The following XKR9 variants were observed in gnomAD, a reference collection of about 807,000 sequenced individuals.
XKR9 encodes XK related 9.
XKR9 carries 32 observed loss-of-function variants against 32.0 expected under a neutral mutation model. The observed-to-expected ratio is 1.00, with a 90% confidence interval of 0.76 to 1.34. XKR9 has a LOEUF of 1.34. XKR9 is among the 40% of genes most tolerant of loss of function. The probability of loss-of-function intolerance (pLI) is 0.00; values close to 1 mark genes in which losing one functional copy is unlikely to be tolerated. For synonymous variants in XKR9, 168 were observed against 143.4 expected, an observed-to-expected ratio of 1.17 and a Z score of -1.22; for missense variants, 546 against 429.7, an observed-to-expected ratio of 1.27 and a Z score of -2.39.
the XKR9 span, among the ~76,000 whole-genome samples, chr8:70,996,087 G>T: frequency 6.0e-3 from 914 of 152,210 alleles, 13 homozygotes; most frequent in African/African-American, 0.021. Context: ...AGATTAATTT[G>T]CTGGGGCCCT....
intron 4 of XKR9, among the ~76,000 whole-genome samples, chr8:70,715,863 A>T (rs1035514744): frequency 6.6e-6 from 1 of 152,154 alleles, no homozygotes; most frequent in African/African-American, 2.4e-5. Context: ...GCAAAACTGT[A>T]TCAAGTATGA....
the XKR9 span, among the ~76,000 whole-genome samples, chr8:70,808,277 G>A: frequency 6.6e-5 from 10 of 152,138 alleles, no homozygotes; most frequent in African/African-American, 2.4e-4. Flanking sequence ...ACTGGTAAGA[G>A]GAACAGTTAT....
intron 3 of XKR9, among the ~76,000 whole-genome samples, chr8:70,685,140 A>G (rs544177200): frequency 1.4e-3 from 215 of 152,168 alleles, no homozygotes; most frequent in African/African-American, 5.0e-3. Context: ...TGTGGCACAT[A>G]TACACCATGG....
chr8:70,978,699 G>A, the XKR9 span, among the ~76,000 whole-genome samples: 3 of 152,042 alleles, frequency 2.0e-5, no homozygotes, highest in African/African-American at 7.3e-5. Context: ...TGGTGAATCT[G>A]GCAGTTATGT....
chr8:70,875,951 T>C, the XKR9 span, among the ~76,000 whole-genome samples: 6 of 152,044 alleles, frequency 3.9e-5, no homozygotes, highest in South Asian at 2.1e-4. Context: ...AAAAAAAAAC[T>C]CAGACTCCAT....
chr8:70,733,123 A>G (rs1806727994), intron 4 of XKR9, among the ~76,000 whole-genome samples: 1 of 152,220 alleles, frequency 6.6e-6, no homozygotes, highest in Non-Finnish European at 1.5e-5. Context: ...AAGGAAAGAA[A>G]TAAAGAGAGT....
the XKR9 span, among the ~76,000 whole-genome samples, chr8:71,037,380 A>G: frequency 6.6e-6 from 1 of 152,178 alleles, no homozygotes; most frequent in Admixed American, 6.5e-5. Context: ...AAAGGACTGC[A>G]GGAAAAAGCA....
At chr8:70,797,625 T>A in the XKR9 span, among the ~76,000 whole-genome samples, 1 of 151,908 alleles carries the variant, frequency 6.6e-6, no homozygotes. Flanking sequence ...ATAGGTAGAT[T>A]TTGTGTCATG....
chr8:70,904,050 A>G, the XKR9 span, among the ~76,000 whole-genome samples: 2 of 152,194 alleles, frequency 1.3e-5, no homozygotes, highest in Non-Finnish European at 2.9e-5. Context: ...TATGTCGTCA[A>G]TATTGGAATA....
chr8:70,739,607 G>A (rs563059613), downstream of XKR9, among the ~76,000 whole-genome samples: 3 of 152,152 alleles, frequency 2.0e-5, no homozygotes, highest in Non-Finnish European at 2.9e-5. Flanking sequence ...GGCTGGTACC[G>A]GTTGTTCCTT....
the XKR9 span, among the ~76,000 whole-genome samples, chr8:70,872,923 G>C: frequency 1.3e-5 from 2 of 152,168 alleles, no homozygotes; most frequent in African/African-American, 2.4e-5. Flanking sequence ...GCCTCCTAAA[G>C]TGCTAGGATT....
chr8:70,873,672 A>G, the XKR9 span, among the ~76,000 whole-genome samples: 10 of 152,234 alleles, frequency 6.6e-5, no homozygotes, highest in Non-Finnish European at 1.3e-4. Flanking sequence ...ATGAGAAGAA[A>G]AAGTGGTTTC....
At chr8:70,714,417 C>T (rs1806021804) in intron 4 of XKR9, among the ~76,000 whole-genome samples, 1 of 151,676 alleles carries the variant, frequency 6.6e-6, no homozygotes, top group Admixed American at 6.6e-5. Flanking sequence ...TATTTTAATA[C>T]TCTTTTCTCT....
At chr8:70,749,187 T>A (rs755251738) in intron 2 of XKR9, among the ~76,000 whole-genome samples, 23 of 152,324 alleles carry the variant, frequency 1.5e-4, no homozygotes, top group African/African-American at 4.1e-4. Context: ...ACCCTCCAGT[T>A]GTTTGTGTAC....
chr8:70,699,271 C>T (rs1275412784), intron 3 of XKR9, among the ~76,000 whole-genome samples: 1 of 152,142 alleles, frequency 6.6e-6, no homozygotes, highest in East Asian at 1.9e-4. Flanking sequence ...CAGTTTCTTC[C>T]TAGCCTCGAT....
intron 2 of XKR9, among the ~76,000 whole-genome samples, chr8:70,774,337 G>A (rs900856174): frequency 1.3e-5 from 2 of 151,974 alleles, no homozygotes; most frequent in Non-Finnish European, 2.9e-5. Context: ...GTCTTGTTAT[G>A]TTGCTTAGGC....
the XKR9 span, among the ~76,000 whole-genome samples, chr8:70,932,300 T>C: frequency 1.3e-5 from 2 of 151,980 alleles, no homozygotes; most frequent in Non-Finnish European, 2.9e-5. Context: ...CGATGTGAGA[T>C]AGGATATGGA....
chr8:70,798,421 ATTT>A, the XKR9 span, among the ~76,000 whole-genome samples: 4 of 57,098 alleles, frequency 7.0e-5, no homozygotes, highest in Admixed American at 3.0e-4. Flanking sequence ...TTGCTTGTTA[ATTT>A]AAGTTTTTTA....
chr8:70,808,908 A>G, the XKR9 span, among the ~76,000 whole-genome samples: 3 of 152,238 alleles, frequency 2.0e-5, 1 homozygote, highest in South Asian at 6.2e-4. Context: ...AAACCTCTGC[A>G]GACTTAAATG....
Sources: gnomAD v4.1 joint callset for allele counts (sites outside exome capture counted in the v4.1 genomes callset) on GRCh38, gnomAD v4.1.1 for gene constraint, MANE v1.5 for transcripts, NCBI Gene and HGNC (gene_info 2026-07-23, HGNC 2026-07-21) for gene names.